Variants in RPN1 observed in about 807,000 individuals in gnomAD.
RPN1 encodes the protein ribophorin I.
A neutral mutation model predicts 55.5 loss-of-function variants in RPN1; 12 were observed. The ratio of observed to expected loss-of-function variants is 0.22; its 90% CI spans 0.14 to 0.35. The LOEUF (loss-of-function observed/expected upper bound fraction) is 0.35, where lower values mean the gene tolerates loss of function less well. RPN1 is among the 10% of genes least tolerant of loss of function. The pLI is 1.00. For missense variants in RPN1, 679 were observed against 761.3 expected, an observed-to-expected ratio of 0.89 and a Z score of 1.27; for synonymous variants, 317 against 305.9, an observed-to-expected ratio of 1.04 and a Z score of -0.38.
At chr3:128,624,982 TAAGG>T (rs990623091) in intron 8 of RPN1, among the ~76,000 whole-genome samples, 14 of 151,862 alleles carry the variant, frequency 9.2e-5, no homozygotes, top group Non-Finnish European at 1.6e-4. Flanking sequence ...CCAAGAGCCC[TAAGG>T]AACAATGAGA....
At chr3:128,633,635 T>G (rs2069656923) in intron 3 of RPN1, among the ~76,000 whole-genome samples, 1 of 152,068 alleles carries the variant, frequency 6.6e-6, no homozygotes. Flanking sequence ...TAATATTAAA[T>G]AGAAAAAAAC....
chr3:128,631,223 C>T (rs2069639136), intron 4 of RPN1, among the ~76,000 whole-genome samples: 1 of 152,116 alleles, frequency 6.6e-6, no homozygotes, highest in Admixed American at 6.6e-5. Context: ...CCTGTAATCC[C>T]AGCACTTTGG....
intron 7 of RPN1, 108 bp from the exon 8 acceptor site, chr3:128,625,761 C>T (rs1044510205): frequency 5.1e-5 from 80 of 1,570,520 alleles, no homozygotes; most frequent in African/African-American, 2.2e-4. Flanking sequence ...GACCAGAAGA[C>T]GCCATGAGCT....
chr3:128,639,599 T>C (rs1438165974), intron 2 of RPN1, among the ~76,000 whole-genome samples: 1 of 152,126 alleles, frequency 6.6e-6, no homozygotes, highest in African/African-American at 2.4e-5. Flanking sequence ...ATTATTATTA[T>C]TTTTTGAGAC....
At chr3:128,635,761 T>TAC (rs2069677311) in intron 3 of RPN1, among the ~76,000 whole-genome samples, 4 of 149,792 alleles carry the variant, frequency 2.7e-5, no homozygotes, top group African/African-American at 7.3e-5. Flanking sequence ...CTTATATATA[T>TAC]ACGTGTGTGT....
Position 128,621,239 on chromosome 3 carries a change from C to A in RPN1, c.1642-646G>T, listed in dbSNP as rs143968764. On this transcript the variant is annotated intron_variant, in intron 9 of 9. Transcript: ENST00000296255. ...GAAAGTGGTAGGCGTGGGCCAGACACGGTGGCTCACATCTGTAATTCCAGT... is the reference window on the plus strand; with the variant it reads ...GAAAGTGGTAGGCGTGGGCCAGACAAGGTGGCTCACATCTGTAATTCCAGT... 4.2e-3 allele frequency among the ~76,000 whole-genome samples: 640 copies of A among 152,288 alleles called. 5 individuals are homozygous for A. Among genetic ancestry groups the A allele is most frequent in the African/African-American group, 0.014 (597 of 41,552 alleles).
intron 2 of RPN1, among the ~76,000 whole-genome samples, chr3:128,639,900 T>C (rs760510213): frequency 6.6e-6 from 1 of 152,170 alleles, no homozygotes; most frequent in Non-Finnish European, 1.5e-5. Context: ...ATTTGTCTTA[T>C]AAGGAGCTTG....
intron 1 of RPN1, among the ~76,000 whole-genome samples, chr3:128,646,544 G>T (rs967082888): frequency 6.6e-6 from 1 of 151,932 alleles, no homozygotes; most frequent in Non-Finnish European, 1.5e-5. Context: ...ACAATTAGCT[G>T]GGCGTGGTGG....
chr3:128,638,084 C>T lies in RPN1; in HGVS notation c.348G>A (p.Lys116=). ...KGKSGRFFTV[K]LPVALDPGAK... ...CCCCAGGATCAAGAGCAACTGGGAG[C>T]TTGACTGTGAAGAATCTCCCACTAA... Residue 116 remains lysine, a synonymous_variant, in exon 3 of 10, where the codon AAG becomes AAA. Transcript: ENST00000296255. 1.9e-6 allele frequency: 3 copies of T among 1,613,066 alleles called. No homozygotes were observed. Among genetic ancestry groups the T allele is most frequent in the Non-Finnish European group, 2.5e-6 (3 of 1,179,086 alleles).
intron 8 of RPN1, among the ~76,000 whole-genome samples, chr3:128,622,773 T>C (rs1401482321): frequency 6.6e-6 from 1 of 151,888 alleles, no homozygotes; most frequent in Non-Finnish European, 1.5e-5. Flanking sequence ...GGCAGGCACC[T>C]GTAATCTCAG....
intron 3 of RPN1, among the ~76,000 whole-genome samples, chr3:128,633,649 TTAAC>T (rs1258805016): frequency 6.6e-5 from 10 of 152,078 alleles, no homozygotes; most frequent in South Asian, 4.1e-4. Flanking sequence ...AAAAAACTGT[TTAAC>T]TATAGAAACT....
chr3:128,628,897 G>A (rs186727611), intron 5 of RPN1, among the ~76,000 whole-genome samples: 41 of 152,186 alleles, frequency 2.7e-4, no homozygotes, highest in African/African-American at 9.6e-4. Flanking sequence ...CAAGAGAATC[G>A]CTTGAACCTA....
intron 8 of RPN1, among the ~76,000 whole-genome samples, chr3:128,624,267 G>A (rs954244156): frequency 2.0e-5 from 3 of 152,134 alleles, no homozygotes; most frequent in East Asian, 1.9e-4. Flanking sequence ...GGTGGATCAC[G>A]AGGTCAGGAG....
chr3:128,631,305 C>A (rs1191151068), intron 4 of RPN1, among the ~76,000 whole-genome samples: 5 of 151,466 alleles, frequency 3.3e-5, no homozygotes, highest in Admixed American at 2.6e-4. Context: ...GAAACCCTGT[C>A]TCTACTAAAA....
At chr3:128,635,696 C>T (rs1250007947) in intron 3 of RPN1, among the ~76,000 whole-genome samples, 1,464 of 146,306 alleles carry the variant, frequency 0.01, 22 homozygotes, top group African/African-American at 0.035. Context: ...GATATACACA[C>T]ACACACACAC....
chr3:128,640,346 T>C (rs1381209912), intron 2 of RPN1, among the ~76,000 whole-genome samples: 1 of 152,154 alleles, frequency 6.6e-6, no homozygotes, highest in Non-Finnish European at 1.5e-5. Flanking sequence ...GGTGAGAACA[T>C]GGATCACTCT....
chr3:128,632,652 T>C (rs894985091), intron 3 of RPN1, among the ~76,000 whole-genome samples: 2 of 151,906 alleles, frequency 1.3e-5, no homozygotes, highest in Non-Finnish European at 2.9e-5. Flanking sequence ...TGGAGTACAA[T>C]GGTACAACCT....
intron 5 of RPN1, among the ~76,000 whole-genome samples, chr3:128,628,188 C>A (rs563167891): frequency 6.6e-6 from 1 of 151,364 alleles, no homozygotes; most frequent in Non-Finnish European, 1.5e-5. Context: ...ACCCAGGAGG[C>A]GGAGGTTGCA....
rs1576797169 is a variant in RPN1 at position 128,637,896 on chromosome 3, G to C, written c.536C>G (p.Ser179Cys). ...CTTGGTGTAGCTCTCCACATTTCGA[G>C]AGGCAAGCTTCACACGCATGGTTTG... ...KTQTMRVKLA[S>C]RNVESYTKLG... Residue 179 changes from serine to cysteine, a missense_variant, in exon 3 of 10, where the codon TCT (serine) becomes TGT (cysteine). Physicochemically the swap from Ser to Cys is moderately radical, Grantham distance 112. Around this residue, in one of 3 missense-constraint regions of RPN1, gnomAD observed 352 missense variants for 352.8 expected, o/e 1.00. Transcript: ENST00000296255. 1.2e-6 allele frequency: 2 copies of C among 1,614,238 alleles called. No individual in the cohort carries two copies. The highest frequency in any genetic ancestry group is 1.7e-5 in the Admixed American group (1 of 60,024).
Sources: allele counts gnomAD v4.1 joint callset (sites outside exome capture counted in the v4.1 genomes callset), GRCh38; gene constraint gnomAD v4.1.1; regional missense constraint gnomAD v4.1.1; transcripts MANE v1.5; gene names NCBI Gene and HGNC (gene_info 2026-07-23, HGNC 2026-07-21).